Variants in PEX6 observed in about 807,000 individuals in gnomAD.
The protein encoded by PEX6 is peroxisome biogenesis factor 6.
PEX6 carries 55 observed loss-of-function variants against 85.6 expected under a neutral mutation model. The ratio of observed to expected loss-of-function variants is 0.64; its 90% confidence interval spans 0.52 to 0.80. The LOEUF (loss-of-function observed/expected upper bound fraction) is 0.80. Among genes scored for constraint, PEX6 ranks in the 30% least tolerant of loss-of-function variants. The pLI is 0.00. For missense variants in PEX6, 1,099 were observed against 1,260.3 expected (o/e 0.87, Z 1.94); for synonymous variants, 519 against 549.1 (o/e 0.95, Z 0.77).
At chr6:42,969,370 T>C (rs1212212530) in intron 5 of PEX6, among the ~76,000 whole-genome samples, 1 of 152,140 alleles carries the variant, frequency 6.6e-6, no homozygotes, top group Non-Finnish European at 1.5e-5. Context: ...GGCAGTAAAG[T>C]GCAGGATGGC....
At position 42,965,997 on chromosome 6, in the gene PEX6, C is replaced by T. The variant is rs372414977; in HGVS notation, c.2362+47G>A. 6.3e-5 allele frequency: 100 copies of T among 1,596,662 alleles called. No individual in the cohort carries two copies. Among genetic ancestry groups the T allele is most frequent in the Non-Finnish European group, 7.6e-5 (89 of 1,165,692 alleles). On this transcript the variant is annotated intron_variant, in intron 12 of 16. Coordinates refer to ENST00000304611, the MANE Select transcript of PEX6 (RefSeq NM_000287.4). The surrounding 1 kb of genome is among the most constrained non-coding windows in gnomAD (Gnocchi z 5.0). ...GAGTAGGGGGTGGCTTGGGGGCCAT[C>T]GGGGTTTGGGAAGCATGGGACGCCC...
At chr6:42,968,642 C>CT in intron 6 of PEX6, 144 bp from the exon 7 acceptor site, 2 of 788,132 alleles carry the variant, frequency 2.5e-6, no homozygotes, top group Non-Finnish European at 4.2e-6. Flanking sequence ...CAAGTCCTAC[C>CT]TCTTTTTTAC....
At chr6:42,977,588 G>A (rs1187909441) in intron 1 of PEX6, among the ~76,000 whole-genome samples, 2 of 151,744 alleles carry the variant, frequency 1.3e-5, no homozygotes, top group African/African-American at 4.8e-5. Flanking sequence ...AGACCAGCCT[G>A]ACCAATACGG....
At position 42,968,554 on chromosome 6, in the gene PEX6, G is replaced by C. The variant is rs1213144942; in HGVS notation, c.1480-56C>G. 7.7e-6 allele frequency: 11 copies of C among 1,435,352 alleles called. No individual in the cohort carries two copies. The Admixed American group carries it at 9.9e-5, about 13-fold the overall frequency. 88.9% of individuals were successfully genotyped at this position (1,435,352 alleles called of 1,614,324 possible). On this transcript the variant is annotated intron_variant, in intron 6 of 16. Transcript: ENST00000304611. ...CAAGGGGAAAGCATGACAAGGGCAG[G>C]AGAATCAGGGGAGGAGGAGGTGGAA... is the stretch of plus-strand genomic sequence containing the variant.
At chr6:42,969,200 A>T (rs1164118467) in intron 5 of PEX6, among the ~76,000 whole-genome samples, 1 of 152,224 alleles carries the variant, frequency 6.6e-6, no homozygotes, top group Non-Finnish European at 1.5e-5. Context: ...TCCAACAGCC[A>T]AAGACTAATT....
chr6:42,974,183 A>G, intron 2 of PEX6, 97 bp from the exon 3 acceptor site: 2 of 904,404 alleles, frequency 2.2e-6, no homozygotes, highest in Non-Finnish European at 3.6e-6. Context: ...CTACTTCTTG[A>G]GTCTACTGCC....
Position 42,964,724 on chromosome 6 carries a change from G to A in PEX6, c.2806+66C>T, listed in dbSNP as rs1237711378. ...CCCACCTCAGCCTCTCAAGTAGCTG[G>A]GACTCAGGTGCACCCAGCTCCCCAC... On this transcript the variant is annotated intron_variant, in intron 16 of 16. Transcript: ENST00000304611. The surrounding 1 kb of genome is among the most constrained non-coding windows in gnomAD (Gnocchi z 4.6). 1 of 1,600,902 alleles carries A rather than the reference G, an allele frequency of 6.2e-7. No individual in the cohort carries two copies. The highest frequency in any genetic ancestry group is 8.6e-7 in the Non-Finnish European group (1 of 1,169,226).
intron 1 of PEX6, among the ~76,000 whole-genome samples, chr6:42,977,130 A>AAGAATGAGCAAAAGCACAGAGACATC (rs1770328796): frequency 6.6e-6 from 1 of 152,200 alleles, no homozygotes; most frequent in African/African-American, 2.4e-5. Flanking sequence ...AGTCAAGGAT[A>AAGAATGAGCAAAAGCACAGAGACATC]AGAATGAGCA....
At position 42,967,411 on chromosome 6, in the gene PEX6, A is replaced by C; in HGVS notation, c.1841T>G (p.Leu614Arg). 1 of 1,613,328 alleles carries C rather than the reference A, an allele frequency of 6.2e-7. No individual in the cohort carries two copies. The highest frequency in any genetic ancestry group is 8.5e-7 in the Non-Finnish European group (1 of 1,179,848). Residue 614 changes from leucine (L) to arginine (R), a missense_variant, in exon 8 of 17, where the codon CTG becomes CGG. By Grantham distance (102) the Leu-to-Arg change is moderately radical (BLOSUM62 -2). This residue lies in a region of PEX6 where 514 missense variants were observed against 627.0 expected (regional missense o/e 0.82). Coordinates refer to ENST00000304611, the MANE Select transcript of PEX6 (RefSeq NM_000287.4). ...ILRALTAHLP[L>R]GQEVNLAQLA... ...CTGTGCCAAGTTCACCTCCTGGCCC[A>C]GGGGAAGGTGGGCAGTGAGGGCCCG...
Position 42,972,433 on chromosome 6 carries a change from T to G in PEX6, c.1130+1570A>C, listed in dbSNP as rs145146093. On this transcript the variant is annotated intron_variant, in intron 3 of 16. Transcript: ENST00000304611. ...GGTTCTTGGCTCGGTTATGCTCTAT[T>G]TCTCATTCTCTGTTGATAGGACAGG... 3.2e-3 allele frequency among the ~76,000 whole-genome samples: 481 copies of G among 152,302 alleles called. 3 individuals are homozygous for G. The highest frequency in any genetic ancestry group is 0.011 in the African/African-American group (452 of 41,568).
intron 1 of PEX6, among the ~76,000 whole-genome samples, chr6:42,977,251 C>CCTTTTT (rs34536442): frequency 7.9e-6 from 1 of 126,678 alleles, no homozygotes; most frequent in Non-Finnish European, 1.6e-5. Context: ...TGAAACCTCA[C>CCTTTTT]TTTTTTTTTT....
At position 42,975,630 on chromosome 6, in the gene PEX6, G is replaced by A. The variant is rs1581774403; in HGVS notation, c.883-592C>T. Reference sequence around the variant, plus strand: ...ACAATGGAATAGTCTATATCTGCATGTGCTATTGAGCACTTGAAATGTGGC... The same window carrying A: ...ACAATGGAATAGTCTATATCTGCATATGCTATTGAGCACTTGAAATGTGGC... On this transcript the variant is annotated intron_variant, in intron 1 of 16. Coordinates refer to ENST00000304611, the MANE Select transcript of PEX6 (RefSeq NM_000287.4). 2.0e-5 allele frequency among the ~76,000 whole-genome samples: 3 copies of A among 152,148 alleles called. No homozygotes were observed. In the East Asian group the frequency reaches 5.8e-4, roughly 29 times the overall value.
At chr6:42,976,051 A>ATTT (rs575675085) in intron 1 of PEX6, among the ~76,000 whole-genome samples, 9,419 of 143,588 alleles carry the variant, frequency 0.066, 354 homozygotes, top group African/African-American at 0.11. Context: ...ACCACACCTA[A>ATTT]TTTTTTTTTT....
chr6:42,968,437 A>G lies in PEX6; in HGVS notation c.1541T>C (p.Ile514Thr), dbSNP rs1183246041. ...SGAVETKLQA[I>T]FSRARRCRPA... ...CCGGCAACGGCGGGCCCGGGAGAAG[A>G]TGGCCTGCAGTTTTGTCTCCACAGC... The change falls in exon 7 of 17, where the codon ATC (isoleucine) becomes ACC (threonine). Residue 514 changes from isoleucine to threonine, a missense_variant. Physicochemically the swap from Ile to Thr is moderately conservative, Grantham distance 89. Transcript: ENST00000304611. The G allele has an allele frequency of 6.2e-7, 1 of 1,609,800 alleles. No individual in the cohort carries two copies. Among genetic ancestry groups the G allele is most frequent in the African/African-American group, 1.3e-5 (1 of 74,812 alleles).
Position 42,969,871 on chromosome 6 carries a change from C to T in PEX6, c.1233+14G>A, listed in dbSNP as rs776289341. ...ACCCCCTGCGCTGGTCTACACCCAT[C>T]CTTGGGGCCTCACCATGTACAAGGA... On this transcript the variant is annotated intron_variant, in intron 4 of 16. Coordinates refer to ENST00000304611, the MANE Select transcript of PEX6 (RefSeq NM_000287.4). The T allele has an allele frequency of 7.4e-6, 12 of 1,614,196 alleles. No homozygotes were observed. Among genetic ancestry groups the T allele is most frequent in the Non-Finnish European group, 1.0e-5 (12 of 1,180,014 alleles).
Position 42,978,791 on chromosome 6 carries a change from G to A in PEX6, c.360C>T (p.Val120=), listed in dbSNP as rs777743656. The A allele has an allele frequency of 5.2e-6, 8 of 1,534,182 alleles. No homozygotes were observed. The highest frequency in any genetic ancestry group is 3.6e-5 in the South Asian group (3 of 84,010). The change falls in exon 1 of 17, where the codon GTC becomes GTT. Residue 120 remains valine, a synonymous_variant. Transcript: ENST00000304611. ...CTCCGCGCCTCACCAGCAGCGGCCCGACTCGCGGTCCGAGCCCAGGCCCCA... is the reference window on the plus strand; with the variant it reads ...CTCCGCGCCTCACCAGCAGCGGCCCAACTCGCGGTCCGAGCCCAGGCCCCA... ...TSLGPGLGPR[V]GPLLVRRGET...
In PEX6 at chr6:42,969,642, CACCCTGGGGTGATG is replaced by C. The variant is rs770712398; in HGVS notation, c.1367+12_1367+25del. On this transcript the variant is annotated intron_variant, in intron 5 of 16. Transcript: ENST00000304611. ...GGATGTTCTAAGCAGGCTTTTCTCA[CACCCTGGGGTGATG>C]ACCTCACTCACCCTGGCTGGAGGCG... The C allele has an allele frequency of 4.0e-5, 64 of 1,612,122 alleles. No homozygotes were observed. The highest frequency in any genetic ancestry group is 5.2e-5 in the Non-Finnish European group (61 of 1,179,912).
intron 1 of PEX6, among the ~76,000 whole-genome samples, chr6:42,976,645 G>A (rs1355998911): frequency 2.0e-5 from 3 of 151,982 alleles, no homozygotes; most frequent in Admixed American, 6.6e-5. Flanking sequence ...TTACAGGCAT[G>A]AGCCACTGCG....
intron 3 of PEX6, 56 bp from the exon 4 acceptor site, chr6:42,970,043 C>T (rs1482412529): frequency 2.2e-6 from 3 of 1,356,772 alleles, no homozygotes; most frequent in Non-Finnish European, 3.2e-6. Context: ...CCCCCCTCCT[C>T]AAGGACAAGG....
Sources: allele counts gnomAD v4.1 joint callset (sites outside exome capture counted in the v4.1 genomes callset), GRCh38; gene constraint gnomAD v4.1.1; regional missense constraint gnomAD v4.1.1; non-coding constraint Gnocchi (gnomAD v3.1); transcripts MANE v1.5; gene names NCBI Gene and HGNC (gene_info 2026-07-23, HGNC 2026-07-21).